ABLIM1: variants seen among roughly 807,000 people sequenced by gnomAD.
The protein encoded by ABLIM1 is actin binding LIM protein 1.
A neutral mutation model predicts 107.0 loss-of-function variants in ABLIM1; 40 were observed. The ratio of observed to expected loss-of-function variants is 0.37; its 90% CI spans 0.29 to 0.49. The LOEUF is 0.49. Among genes scored for constraint, ABLIM1 ranks in the 20% least tolerant of loss-of-function variants. The pLI is 0.97. For synonymous variants in ABLIM1, 357 were observed against 357.3 expected, an observed-to-expected ratio of 1.00 and a Z score of 0.01; for missense variants, 857 against 1,008.5, an observed-to-expected ratio of 0.85 and a Z score of 2.04.
upstream of ABLIM1, among the ~76,000 whole-genome samples, chr10:114,660,651 G>T (rs2079753628): frequency 1.3e-5 from 2 of 152,176 alleles, no homozygotes; most frequent in African/African-American, 4.8e-5. Flanking sequence ...GCCTTTCATT[G>T]TTAATTCTTT....
the ABLIM1 span, among the ~76,000 whole-genome samples, chr10:114,796,844 C>A: frequency 6.6e-6 from 1 of 152,210 alleles, no homozygotes; most frequent in African/African-American, 2.4e-5. Flanking sequence ...TACTTGTAGA[C>A]TTCTGGGCCA....
At chr10:114,710,711 G>A (rs1384196951) in intron 1 of ABLIM1, among the ~76,000 whole-genome samples, 1 of 152,116 alleles carries the variant, frequency 6.6e-6, no homozygotes. Context: ...AGCACAGGAG[G>A]TCAAGGCTGC....
chr10:114,762,162 A>T (rs2082763183), intron 1 of ABLIM1, among the ~76,000 whole-genome samples: 1 of 151,994 alleles, frequency 6.6e-6, no homozygotes, highest in Non-Finnish European at 1.5e-5. Flanking sequence ...CCTCCCACAT[A>T]GCTGAGACTA....
At chr10:114,782,395 A>AC in the ABLIM1 span, among the ~76,000 whole-genome samples, 5 of 152,234 alleles carry the variant, frequency 3.3e-5, no homozygotes, top group East Asian at 9.6e-4. Flanking sequence ...AACACAAGGA[A>AC]CTACCCACAG....
intron 1 of ABLIM1, among the ~76,000 whole-genome samples, chr10:114,641,744 G>A (rs886977824): frequency 6.6e-6 from 1 of 152,170 alleles, no homozygotes; most frequent in Non-Finnish European, 1.5e-5. Context: ...CCTGAGACGG[G>A]AGCCCACCTG....
chr10:114,618,203 C>T (rs2483603), intron 1 of ABLIM1, among the ~76,000 whole-genome samples: 7 of 151,972 alleles, frequency 4.6e-5, no homozygotes, highest in Non-Finnish European at 2.9e-5. Flanking sequence ...TTACACTTTG[C>T]GAATGTAATT....
At chr10:114,720,701 G>T (rs946606741) in intron 1 of ABLIM1, among the ~76,000 whole-genome samples, 4 of 151,772 alleles carry the variant, frequency 2.6e-5, no homozygotes, top group African/African-American at 9.7e-5. Context: ...AACTATGGGA[G>T]TAACAAGACA....
chr10:114,569,169 T>C (rs1414975694), intron 4 of ABLIM1, among the ~76,000 whole-genome samples: 2 of 152,122 alleles, frequency 1.3e-5, no homozygotes, highest in Non-Finnish European at 2.9e-5. Context: ...GGGCCTCAAT[T>C]TCCCCACCTA....
chr10:114,686,131 G>A (rs2080929209), upstream of ABLIM1, among the ~76,000 whole-genome samples: 1 of 152,136 alleles, frequency 6.6e-6, no homozygotes, highest in Non-Finnish European at 1.5e-5. Context: ...TGAATGTTAA[G>A]CAATAAAGTG....
At chr10:114,595,487 C>T (rs1269978211) in intron 2 of ABLIM1, among the ~76,000 whole-genome samples, 7 of 152,034 alleles carry the variant, frequency 4.6e-5, no homozygotes, top group Non-Finnish European at 8.8e-5. Context: ...ATCACTGGAA[C>T]GATATGACAG....
At chr10:114,681,275 A>G (rs1040760029) in intron 1 of ABLIM1, among the ~76,000 whole-genome samples, 17 of 152,286 alleles carry the variant, frequency 1.1e-4, no homozygotes, top group African/African-American at 4.1e-4. Context: ...AGCTCAACGC[A>G]ACCTCCGCCT....
chr10:114,476,214 T>C (rs902768614), intron 8 of ABLIM1, among the ~76,000 whole-genome samples: 1 of 152,216 alleles, frequency 6.6e-6, no homozygotes, highest in Non-Finnish European at 1.5e-5. Context: ...GCATCACTTC[T>C]GGGCCTCCTC....
intron 1 of ABLIM1, among the ~76,000 whole-genome samples, chr10:114,722,321 C>T (rs1465205988): frequency 6.6e-6 from 1 of 152,070 alleles, no homozygotes; most frequent in Admixed American, 6.5e-5. Flanking sequence ...GGGGGAGGTG[C>T]TGCACACTTT....
intron 1 of ABLIM1, among the ~76,000 whole-genome samples, chr10:114,761,025 G>A (rs1327117892): frequency 6.6e-6 from 1 of 152,176 alleles, no homozygotes; most frequent in African/African-American, 2.4e-5. Flanking sequence ...AGGAGAAACT[G>A]TAGTTGATAC....
intron 11 of ABLIM1, 77 bp from the exon 12 acceptor site, chr10:114,465,904 AC>A: frequency 6.7e-7 from 1 of 1,492,320 alleles, no homozygotes; most frequent in African/African-American, 1.4e-5. Context: ...CTGCCAAGGA[AC>A]CATCATGTCT....
intron 1 of ABLIM1, among the ~76,000 whole-genome samples, chr10:114,648,340 T>A (rs2079092965): frequency 6.6e-6 from 1 of 152,230 alleles, no homozygotes; most frequent in Non-Finnish European, 1.5e-5. Context: ...GGGATACTAT[T>A]CAGCCATAAG....
rs2077303097 is a variant in ABLIM1 at position 114,619,044 on chromosome 10, CA to C, written c.245-17084del. 6.6e-6 allele frequency among the ~76,000 whole-genome samples: 1 copy of C among 152,114 alleles called. No individual in the cohort carries two copies. The highest frequency in any genetic ancestry group is 6.5e-5 in the Admixed American group (1 of 15,276). On this transcript the variant is annotated intron_variant, in intron 1 of 22. Coordinates refer to ENST00000533213, the MANE Select transcript of ABLIM1 (RefSeq NM_002313.7). The surrounding 1 kb of genome is among the most constrained non-coding windows in gnomAD (Gnocchi z 4.1). Reference sequence around the variant, plus strand: ...TTTCAAGTCAAGATAGGGGTGATGACAGACATGCCCTGCACCCAAGGAATGG... The same window carrying C: ...TTTCAAGTCAAGATAGGGGTGATGACGACATGCCCTGCACCCAAGGAATGG...
intron 6 of ABLIM1, among the ~76,000 whole-genome samples, chr10:114,542,238 C>T (rs569672442): frequency 8.6e-5 from 13 of 151,610 alleles, no homozygotes; most frequent in Admixed American, 5.2e-4. Context: ...GTGAGACTCC[C>T]GTTCTTTACA....
intron 1 of ABLIM1, among the ~76,000 whole-genome samples, chr10:114,715,011 A>G (rs985823696): frequency 1.3e-5 from 2 of 152,234 alleles, no homozygotes; most frequent in South Asian, 4.1e-4. Flanking sequence ...GAAGGAGAGA[A>G]GGAAAGAAAA....
Sources: allele counts gnomAD v4.1 joint callset (sites outside exome capture counted in the v4.1 genomes callset), GRCh38; gene constraint gnomAD v4.1.1; non-coding constraint Gnocchi (gnomAD v3.1); transcripts MANE v1.5; gene names NCBI Gene and HGNC (gene_info 2026-07-23, HGNC 2026-07-21).